Variants in CFAP97 observed in about 807,000 individuals in gnomAD.
CFAP97 encodes the protein cilia- and flagella-associated protein 97.
Under a neutral mutation model 43.1 loss-of-function variants are expected in CFAP97, and 36 were observed. That is an observed-to-expected ratio of 0.84 (90% CI 0.64 to 1.10). The LOEUF (loss-of-function observed/expected upper bound fraction) is 1.10. Among genes scored for constraint, CFAP97 ranks in the 50% least tolerant of loss-of-function variants. The pLI, the probability that CFAP97 is intolerant of heterozygous loss-of-function variation, is 0.00. For synonymous variants in CFAP97, 228 were observed against 225.7 expected (o/e 1.01, Z -0.09); for missense variants, 657 against 620.3 (o/e 1.06, Z -0.63).
chr4:185,178,761 G>A (rs909714482), intron 2 of CFAP97, among the ~76,000 whole-genome samples: 1 of 152,152 alleles, frequency 6.6e-6, no homozygotes, highest in Non-Finnish European at 1.5e-5. Flanking sequence ...AGCACAGGTG[G>A]ACCAGCTTTG....
chr4:185,200,273 A>C (rs1736762506), intron 1 of CFAP97, among the ~76,000 whole-genome samples: 1 of 152,184 alleles, frequency 6.6e-6, no homozygotes, highest in Admixed American at 6.5e-5. Flanking sequence ...AGGCAGGAGG[A>C]CCAGTTGAGC....
In CFAP97 at chr4:185,190,687, G is replaced by A. The variant is rs1258859851; in HGVS notation, c.510C>T (p.Ser170=). ...AAGATAAAGAGGAGGAGGAAGAGGA[G>A]CTAACTTTGCAATACTTTTTCCTTA... The part of the protein sequence containing the change: ...KSIRKKYCKV[S]SSSSSSLSSS... The change falls in exon 2 of 5, where the codon AGC becomes AGT. Residue 170 remains serine (S), a synonymous_variant. Transcript: ENST00000458385. 3.2e-6 allele frequency: 5 copies of A among 1,570,048 alleles called. No individual in the cohort carries two copies. The East Asian group carries it at 1.2e-4, about 36-fold the overall frequency.
At chr4:185,187,689 G>A (rs570290690) in intron 2 of CFAP97, among the ~76,000 whole-genome samples, 4 of 151,540 alleles carry the variant, frequency 2.6e-5, no homozygotes, top group Non-Finnish European at 4.4e-5. Flanking sequence ...ACATCAGGTC[G>A]AAAAGGCCAG....
chr4:185,177,740 C>T (rs1469009657), intron 2 of CFAP97, among the ~76,000 whole-genome samples: 2 of 152,088 alleles, frequency 1.3e-5, no homozygotes, highest in South Asian at 4.2e-4. Flanking sequence ...GAGGCTGAGG[C>T]AGGAGAATCG....
intron 3 of CFAP97, 92 bp from the exon 4 acceptor site, chr4:185,164,271 T>C: frequency 8.0e-7 from 1 of 1,253,344 alleles, no homozygotes; most frequent in African/African-American, 1.8e-5. Context: ...TTCACTTTCT[T>C]TCTTTTTTTT....
chr4:185,198,611 G>A (rs1736669635), intron 1 of CFAP97, among the ~76,000 whole-genome samples: 2 of 151,730 alleles, frequency 1.3e-5, no homozygotes, highest in Admixed American at 6.6e-5. Flanking sequence ...CCAAAATGGT[G>A]AAACCCCATC....
chr4:185,205,222 G>A (rs544579063), upstream of CFAP97, among the ~76,000 whole-genome samples: 16 of 152,316 alleles, frequency 1.1e-4, no homozygotes, highest in Middle Eastern at 3.4e-3. Context: ...TCGGGAGGCC[G>A]AGGCGGGTGG....
At chr4:185,189,105 G>A (rs538966389) in intron 2 of CFAP97, among the ~76,000 whole-genome samples, 1 of 152,132 alleles carries the variant, frequency 6.6e-6, no homozygotes, top group South Asian at 2.1e-4. Context: ...GGTGTGGTGG[G>A]GCATGACTGT....
upstream of CFAP97, chr4:185,209,512 A>T: frequency 6.3e-6 from 1 of 159,788 alleles, no homozygotes; most frequent in South Asian, 2.0e-4. The surrounding 1 kb of genome is among the most constrained non-coding windows in gnomAD (Gnocchi z 5.2). Context: ...CCCGGCTGTC[A>T]CTCAGCGGCC....
chr4:185,192,349 A>T (rs1321254747), intron 1 of CFAP97, among the ~76,000 whole-genome samples: 2 of 152,222 alleles, frequency 1.3e-5, no homozygotes, highest in Non-Finnish European at 2.9e-5. Flanking sequence ...TGGCTCTAAA[A>T]TGGAAAAACC....
intron 1 of CFAP97, among the ~76,000 whole-genome samples, chr4:185,203,175 T>C (rs896307913): frequency 2.0e-5 from 3 of 151,818 alleles, no homozygotes; most frequent in Admixed American, 1.3e-4. Context: ...CACTCCACCC[T>C]GGGCCACAGA....
At chr4:185,185,104 A>T (rs1735955555) in intron 2 of CFAP97, among the ~76,000 whole-genome samples, 1 of 152,166 alleles carries the variant, frequency 6.6e-6, no homozygotes, top group South Asian at 2.1e-4. Flanking sequence ...TTTTAACCTA[A>T]TTTTATAAGA....
chr4:185,186,624 C>T (rs1391710066), intron 2 of CFAP97, among the ~76,000 whole-genome samples: 2 of 152,118 alleles, frequency 1.3e-5, no homozygotes, highest in African/African-American at 4.8e-5. Context: ...AATCCAGCTA[C>T]ATTCTATTAA....
intron 2 of CFAP97, among the ~76,000 whole-genome samples, chr4:185,181,368 C>T (rs1218493035): frequency 6.9e-6 from 1 of 144,736 alleles, no homozygotes; most frequent in African/African-American, 2.6e-5. Context: ...TCTTGTTGCC[C>T]AGGCTGGAAT....
At position 185,162,907 on chromosome 4, in the gene CFAP97, C is replaced by A; in HGVS notation, c.1490G>T (p.Ser497Ile). The change falls in exon 5 of 5, where the codon AGT becomes ATT. Residue 497 changes from serine to isoleucine, a missense_variant. Transcript: ENST00000458385. ...CCTACAACTGAGACCACTCGTAGCA[C>A]TGGATGTCCTGGAAGCTCCTGAAAA... ...YSPLRASRTS[S>I]ATSGLSCRSE... 1.3e-6 allele frequency: 2 copies of A among 1,576,096 alleles called. No homozygotes were observed. Among genetic ancestry groups the A allele is most frequent in the South Asian group, 1.2e-5 (1 of 84,372 alleles).
At chr4:185,171,066 T>C (rs1237984823) in intron 3 of CFAP97, among the ~76,000 whole-genome samples, 1 of 149,956 alleles carries the variant, frequency 6.7e-6, no homozygotes, top group Non-Finnish European at 1.5e-5. Context: ...TAAAACAAAA[T>C]TCTAACACGA....
At chr4:185,184,607 G>A (rs1222962591) in intron 2 of CFAP97, among the ~76,000 whole-genome samples, 1 of 152,176 alleles carries the variant, frequency 6.6e-6, no homozygotes, top group African/African-American at 2.4e-5. Context: ...GGAACACAGT[G>A]CTAGAAAGTA....
intron 1 of CFAP97, among the ~76,000 whole-genome samples, chr4:185,193,374 A>G (rs1481021791): frequency 6.6e-6 from 1 of 152,230 alleles, no homozygotes; most frequent in Non-Finnish European, 1.5e-5. Flanking sequence ...AAGGCCAGGC[A>G]CGGTGGCTCA....
Position 185,175,864 on chromosome 4 carries a change from C to G in CFAP97, c.1242G>C (p.Ser414=). ...KPGSKSTIPR[S]ADHPPKLYHS... is the part of the protein sequence containing the mutation. ...GATATAACTTTGGGGGATGATCAGCCGATCTAGGAATTGTACTTTTGCTTC... is the reference window on the plus strand; with the variant it reads ...GATATAACTTTGGGGGATGATCAGCGGATCTAGGAATTGTACTTTTGCTTC... The change falls in exon 3 of 5, where the codon TCG becomes TCC. Residue 414 remains serine, a synonymous_variant. Transcript: ENST00000458385. 6.2e-7 allele frequency: 1 copy of G among 1,613,834 alleles called. No homozygotes were observed. The highest frequency in any genetic ancestry group is 1.1e-5 in the South Asian group (1 of 91,080).
Sources: allele counts gnomAD v4.1 joint callset (sites outside exome capture counted in the v4.1 genomes callset), GRCh38; gene constraint gnomAD v4.1.1; non-coding constraint Gnocchi (gnomAD v3.1); transcripts MANE v1.5; gene names NCBI Gene and HGNC (gene_info 2026-07-23, HGNC 2026-07-21).